The following RBFOX1 variants were observed in gnomAD, a reference collection of about 807,000 sequenced individuals.
The protein encoded by RBFOX1 is RNA binding protein fox-1 homolog 1.
Under a neutral mutation model 57.7 loss-of-function variants are expected in RBFOX1, and 8 were observed. That is an observed-to-expected ratio of 0.14 (90% CI 0.08 to 0.25). The LOEUF (loss-of-function observed/expected upper bound fraction) is 0.25, where lower values mean the gene tolerates loss of function less well. Ranked by LOEUF, RBFOX1 falls within the 10% of genes least tolerant of loss-of-function variation. The pLI is 1.00. For missense variants in RBFOX1, 611 were observed against 548.5 expected (o/e 1.11, Z -1.14); for synonymous variants, 326 against 222.4 (o/e 1.47, Z -4.15).
chr16:7,627,796 G>A (rs530215727), intron 10 of RBFOX1, among the ~76,000 whole-genome samples: 7 of 152,100 alleles, frequency 4.6e-5, no homozygotes, highest in Non-Finnish European at 1.0e-4. Flanking sequence ...AAGCACTAAG[G>A]GAACATACAG....
chr16:6,693,733 C>G (rs71392492), intron 3 of RBFOX1, among the ~76,000 whole-genome samples: 9 of 147,276 alleles, frequency 6.1e-5, no homozygotes, highest in African/African-American at 2.0e-4. Context: ...CACCATCATC[C>G]TCATCCTCAT....
At chr16:6,309,511 G>T (rs751184081) in intron 1 of RBFOX1, among the ~76,000 whole-genome samples, 1 of 152,168 alleles carries the variant, frequency 6.6e-6, no homozygotes, top group African/African-American at 2.4e-5. Context: ...GGAGCTGGTG[G>T]CAGAGTGCGC....
intron 10 of RBFOX1, among the ~76,000 whole-genome samples, chr16:7,610,738 G>A (rs1295338664): frequency 6.6e-6 from 1 of 152,212 alleles, no homozygotes; most frequent in Non-Finnish European, 1.5e-5. Flanking sequence ...TGCAAACACT[G>A]AAAGTCTGGC....
chr16:7,350,596 A>G (rs1252218886), intron 4 of RBFOX1, among the ~76,000 whole-genome samples: 1 of 152,214 alleles, frequency 6.6e-6, no homozygotes, highest in Non-Finnish European at 1.5e-5. Flanking sequence ...TAGTGGGACA[A>G]GATGCAAAAC....
chr16:6,132,736 C>G lies in RBFOX1; in HGVS notation c.-127+112744C>G, dbSNP rs546968177. ...TCAACTATGTAAAAATAAGTTATATCCCAGCACTTTGGGAGGCTGAGGCAG... is the reference window on the plus strand; with the variant it reads ...TCAACTATGTAAAAATAAGTTATATGCCAGCACTTTGGGAGGCTGAGGCAG... On this transcript the variant is annotated intron_variant, in intron 1 of 15. Coordinates refer to ENST00000550418, the MANE Select transcript of RBFOX1 (RefSeq NM_018723.4). 3.9e-5 allele frequency among the ~76,000 whole-genome samples: 6 copies of G among 152,164 alleles called. No homozygotes were observed. In the East Asian group the frequency reaches 1.2e-3, roughly 29 times the overall value.
At chr16:6,127,502 G>A (rs926512637) in intron 1 of RBFOX1, among the ~76,000 whole-genome samples, 5 of 152,144 alleles carry the variant, frequency 3.3e-5, no homozygotes, top group Non-Finnish European at 4.4e-5. Flanking sequence ...TTAGAAACAC[G>A]TAGCTTTGAA....
intron 1 of RBFOX1, among the ~76,000 whole-genome samples, chr16:6,212,942 A>C (rs1203826602): frequency 6.6e-6 from 1 of 152,162 alleles, no homozygotes; most frequent in African/African-American, 2.4e-5. Context: ...GTTTTACATA[A>C]AGAGGCAGAC....
At chr16:6,116,295 C>T (rs1425128311) in intron 1 of RBFOX1, among the ~76,000 whole-genome samples, 3 of 152,036 alleles carry the variant, frequency 2.0e-5, no homozygotes, top group Admixed American at 2.0e-4. Flanking sequence ...GGAGGCATAG[C>T]ATTAGAAGAG....
At chr16:6,335,471 T>C (rs1222530483) in intron 2 of RBFOX1, among the ~76,000 whole-genome samples, 1 of 151,854 alleles carries the variant, frequency 6.6e-6, no homozygotes, top group Non-Finnish European at 1.5e-5. Context: ...TAATGAGAAA[T>C]GCAGTAAATA....
At chr16:5,961,402 T>C (rs369746777) in intron 4 of RBFOX1, among the ~76,000 whole-genome samples, 124 of 152,294 alleles carry the variant, frequency 8.1e-4, no homozygotes, top group African/African-American at 2.8e-3. Context: ...ATTCGGGTGG[T>C]GGGACAGAAA....
chr16:7,158,504 G>T (rs1310902506), intron 4 of RBFOX1, among the ~76,000 whole-genome samples: 1 of 152,026 alleles, frequency 6.6e-6, no homozygotes, highest in African/African-American at 2.4e-5. Context: ...GTACTCCTGT[G>T]GGATGTATGT....
At chr16:5,329,947 C>T (rs573879732) in intron 1 of RBFOX1, among the ~76,000 whole-genome samples, 6 of 149,486 alleles carry the variant, frequency 4.0e-5, no homozygotes, top group Non-Finnish European at 8.8e-5. Context: ...CATGCCACTG[C>T]ACTCCAGCCT....
At chr16:6,934,506 A>G (rs754069318) in intron 3 of RBFOX1, among the ~76,000 whole-genome samples, 2 of 152,166 alleles carry the variant, frequency 1.3e-5, no homozygotes, top group Non-Finnish European at 2.9e-5. Context: ...TGGACAAAGA[A>G]CATGTGGTAT....
At chr16:5,729,504 A>T (rs1410569307) in intron 3 of RBFOX1, among the ~76,000 whole-genome samples, 1 of 151,174 alleles carries the variant, frequency 6.6e-6, no homozygotes, top group Non-Finnish European at 1.5e-5. Context: ...TAAAAATCAC[A>T]GCATGGGGAT....
Position 7,026,681 on chromosome 16 carries a change from C to G in RBFOX1, c.-15-25376C>G, listed in dbSNP as rs2041054749. Among the ~76,000 whole-genome samples the G allele has an allele frequency of 2.0e-5, 3 of 152,206 alleles. No individual in the cohort carries two copies. In the South Asian group the frequency reaches 6.2e-4, roughly 31 times the overall value. On this transcript the variant is annotated intron_variant, in intron 3 of 15. Coordinates refer to ENST00000550418, the MANE Select transcript of RBFOX1 (RefSeq NM_018723.4). Reference sequence around the variant, plus strand: ...ACAACCAGAAATACTGTCCCTGTACCTCTCAGGTCGGGTGACTTACTGTGC... The same window carrying G: ...ACAACCAGAAATACTGTCCCTGTACGTCTCAGGTCGGGTGACTTACTGTGC...
At chr16:5,476,888 G>T (rs905478121) in intron 2 of RBFOX1, among the ~76,000 whole-genome samples, 1 of 152,074 alleles carries the variant, frequency 6.6e-6, no homozygotes, top group Non-Finnish European at 1.5e-5. Context: ...AGTTCTCCCA[G>T]TTATTCAAAT....
At chr16:7,187,594 C>T (rs1201022638) in intron 4 of RBFOX1, among the ~76,000 whole-genome samples, 4 of 143,468 alleles carry the variant, frequency 2.8e-5, no homozygotes, top group African/African-American at 5.2e-5. Flanking sequence ...GAGGTTGAGG[C>T]AGGAGAATGG....
At position 7,209,903 on chromosome 16, in the gene RBFOX1, G is replaced by T. The variant is rs78221294; in HGVS notation, c.27+157805G>T. On this transcript the variant is annotated intron_variant, in intron 4 of 15. Transcript: ENST00000550418. ...TTGAAAATGCCTGACCCCTAGTGCA[G>T]GGGTTCCATGATGCACCATAGAGTT... is the stretch of plus-strand genomic sequence containing the variant. 2.8e-3 allele frequency among the ~76,000 whole-genome samples: 421 copies of T among 152,308 alleles called. 4 individuals are homozygous for T. The highest frequency in any genetic ancestry group is 9.7e-3 in the African/African-American group (402 of 41,566).
chr16:5,709,213 T>G (rs2051362058), intron 3 of RBFOX1, among the ~76,000 whole-genome samples: 1 of 152,210 alleles, frequency 6.6e-6, no homozygotes, highest in African/African-American at 2.4e-5. Flanking sequence ...TGGGCTCTGA[T>G]GGCTTTGTGT....
Sources: allele counts gnomAD v4.1 joint callset (sites outside exome capture counted in the v4.1 genomes callset), GRCh38; gene constraint gnomAD v4.1.1; transcripts MANE v1.5; gene names NCBI Gene and HGNC (gene_info 2026-07-23, HGNC 2026-07-21).